Variants in C6orf118 observed in about 807,000 individuals in gnomAD.
C6orf118 encodes uncharacterized protein C6orf118.
Under a neutral mutation model 50.2 loss-of-function variants are expected in C6orf118, and 50 were observed. The ratio of observed to expected loss-of-function variants is 1.00; its 90% CI spans 0.79 to 1.26. C6orf118 has a LOEUF of 1.26. Among genes scored for constraint, C6orf118 ranks in the 50% most tolerant of loss-of-function variants. C6orf118 has a pLI of 0.00. For missense variants in C6orf118, 641 were observed against 578.7 expected, an observed-to-expected ratio of 1.11 and a Z score of -1.10; for synonymous variants, 239 against 230.9, an observed-to-expected ratio of 1.03 and a Z score of -0.32.
intron 7 of C6orf118, among the ~76,000 whole-genome samples, chr6:165,286,041 T>G (rs1282822204): frequency 6.7e-6 from 1 of 150,296 alleles, no homozygotes; most frequent in Non-Finnish European, 1.5e-5. Context: ...GCTAGATTAA[T>G]AAAGAAGAAA....
chr6:165,280,076 AT>A lies in C6orf118; in HGVS notation c.1390del (p.Ile464SerfsTer20). On this transcript the variant is annotated frameshift_variant, in exon 9 of 9. Coordinates refer to ENST00000230301, the MANE Select transcript of C6orf118 (RefSeq NM_144980.4). LOFTEE classifies it high-confidence loss of function. ...TGAGCGTTATCTTCTGTTTCCTCTG[AT>A]TTTACAAATTCCTTGATAAATTTCC... ...PLEIYQGICK[I>X]RGNRR 1 of 1,608,558 alleles carries A rather than the reference AT, an allele frequency of 6.2e-7. No homozygotes were observed. Among genetic ancestry groups the A allele is most frequent in the South Asian group, 1.1e-5 (1 of 89,412 alleles).
chr6:165,300,733 G>T (rs975799888), intron 2 of C6orf118, among the ~76,000 whole-genome samples: 1 of 151,806 alleles, frequency 6.6e-6, no homozygotes, highest in East Asian at 1.9e-4. Context: ...CTTGCTCCCC[G>T]TGCTCAAGCA....
intron 7 of C6orf118, among the ~76,000 whole-genome samples, chr6:165,285,135 T>G (rs1052261826): frequency 2.6e-5 from 4 of 151,772 alleles, no homozygotes; most frequent in African/African-American, 7.3e-5. Context: ...ACCAAGCAAA[T>G]GGAAATCATA....
In C6orf118 at chr6:165,301,841, C is replaced by T. The variant is rs2128163644; in HGVS notation, c.481G>A (p.Gly161Arg). The T allele has an allele frequency of 6.2e-7, 1 of 1,613,878 alleles. No individual in the cohort carries two copies. Among genetic ancestry groups the T allele is most frequent in the South Asian group, 1.1e-5 (1 of 91,076 alleles). ...AVREGKEEKK[G>R]GPPGRGPPGW... Reference sequence around the variant, plus strand: ...GGAGGGCCCCGTCCAGGAGGGCCTCCTTTCTTTTCTTCCTTCCCCTCTCTG... The same window carrying T: ...GGAGGGCCCCGTCCAGGAGGGCCTCTTTTCTTTTCTTCCTTCCCCTCTCTG... The change falls in exon 2 of 9, where the codon GGA (glycine) becomes AGA (arginine). Residue 161 changes from glycine to arginine, a missense_variant. By Grantham distance (125) the Gly-to-Arg change is moderately radical. Coordinates refer to ENST00000230301, the MANE Select transcript of C6orf118 (RefSeq NM_144980.4).
intron 7 of C6orf118, chr6:165,282,049 A>G (rs1322856060): frequency 6.2e-6 from 1 of 162,090 alleles, no homozygotes. Flanking sequence ...TCACATATAT[A>G]TCAGCAATAA....
intron 5 of C6orf118, 78 bp from the exon 6 acceptor site, chr6:165,293,549 A>G (rs1780182059): frequency 4.5e-6 from 5 of 1,104,218 alleles, no homozygotes; most frequent in Non-Finnish European, 6.7e-6. Flanking sequence ...TTACACCACA[A>G]GTCTCTTACA....
At chr6:165,294,062 C>T (rs1172137159) in intron 5 of C6orf118, among the ~76,000 whole-genome samples, 1 of 151,790 alleles carries the variant, frequency 6.6e-6, no homozygotes, top group Non-Finnish European at 1.5e-5. Flanking sequence ...CTGGCTAACA[C>T]GGTGAAACCC....
At chr6:165,286,547 G>A (rs879426942) in intron 7 of C6orf118, among the ~76,000 whole-genome samples, 12 of 152,024 alleles carry the variant, frequency 7.9e-5, no homozygotes, top group Admixed American at 3.3e-4. Flanking sequence ...CTGGCAAACC[G>A]AATACAGCAG....
chr6:165,293,378 G>C (rs761567865), intron 6 of C6orf118, 35 bp downstream of exon 6: 1 of 1,600,416 alleles, frequency 6.2e-7, no homozygotes, highest in African/African-American at 1.3e-5. Context: ...TCACAGCAAA[G>C]CACCCATAAG....
At chr6:165,291,112 C>T (rs1376972977) in intron 6 of C6orf118, among the ~76,000 whole-genome samples, 3 of 152,142 alleles carry the variant, frequency 2.0e-5, no homozygotes, top group Non-Finnish European at 2.9e-5. Context: ...CCTCCCACAA[C>T]ACATAGGAAT....
At chr6:165,288,805 C>T (rs567694760) in intron 7 of C6orf118, among the ~76,000 whole-genome samples, 2 of 151,982 alleles carry the variant, frequency 1.3e-5, no homozygotes, top group South Asian at 4.2e-4. Context: ...GGAGGTAAAA[C>T]ATCAGGAAAA....
At position 165,293,448 on chromosome 6, in the gene C6orf118, TC is replaced by T. The variant is rs1203697531; in HGVS notation, c.1084del (p.Glu362ArgfsTer19). On this transcript the variant is annotated frameshift_variant, in exon 6 of 9. Coordinates refer to ENST00000230301, the MANE Select transcript of C6orf118 (RefSeq NM_144980.4). LOFTEE classifies it high-confidence loss of function. ...NDRLRSELEM[E>X]VALLQSAKER... ...CTTTGCAGACTGCAGCAATGCCACC[TC>T]CATCTCCAGTTCACTTCTGAGTCTA... 6.2e-7 allele frequency: 1 copy of T among 1,613,490 alleles called. No individual in the cohort carries two copies. The highest frequency in any genetic ancestry group is 1.1e-5 in the South Asian group (1 of 91,014).
chr6:165,280,760 C>T (rs1252833795), intron 8 of C6orf118, among the ~76,000 whole-genome samples: 1 of 152,130 alleles, frequency 6.6e-6, no homozygotes, highest in African/African-American at 2.4e-5. Flanking sequence ...GAATGCGGAC[C>T]CAGTTAATGC....
chr6:165,281,021 C>T (rs752718488), intron 8 of C6orf118, among the ~76,000 whole-genome samples: 48 of 152,126 alleles, frequency 3.2e-4, no homozygotes, highest in African/African-American at 8.4e-4. Flanking sequence ...AGTAACTGTG[C>T]GAAGTATAAG....
intron 7 of C6orf118, among the ~76,000 whole-genome samples, chr6:165,289,162 A>G (rs1469068833): frequency 6.7e-6 from 1 of 150,354 alleles, no homozygotes; most frequent in African/African-American, 2.4e-5. Flanking sequence ...GCACACAGCC[A>G]TGTCCCCCCT....
At chr6:165,286,762 GA>G (rs1779916993) in intron 7 of C6orf118, among the ~76,000 whole-genome samples, 1 of 152,100 alleles carries the variant, frequency 6.6e-6, no homozygotes, top group Admixed American at 6.5e-5. Flanking sequence ...ACTAGGTATT[GA>G]TGAACACATC....
rs200166060 is a variant in C6orf118 at position 165,302,113 on chromosome 6, T to C, written c.209A>G (p.Tyr70Cys). 463 of 1,613,800 alleles carry C rather than the reference T, an allele frequency of 2.9e-4. No homozygotes were observed. Among genetic ancestry groups the C allele is most frequent in the Admixed American group, 8.0e-4 (48 of 59,980 alleles). Residue 70 changes from tyrosine (Y) to cysteine (C), a missense_variant, in exon 2 of 9, where the codon TAC (tyrosine) becomes TGC (cysteine). Physicochemically the swap from Tyr to Cys is radical, Grantham distance 194. Transcript: ENST00000230301. The stretch of plus-strand genomic sequence containing the variant: ...CTGTAAGATCGTCTCCGGAGGCTGG[T>C]AGAGCTTGTTGGGGTTCAGGTGTCC... ...ISGHLNPNKL[Y>C]QPPETILQHW...
Position 165,279,868 on chromosome 6 carries a change from C to A in C6orf118, c.*189G>T. 1 of 480,720 alleles carries A rather than the reference C, an allele frequency of 2.1e-6. No individual in the cohort carries two copies. Among genetic ancestry groups the A allele is most frequent in the Non-Finnish European group, 3.6e-6 (1 of 280,740 alleles). The allele number at this position is 480,720 out of a possible 1,614,324, so 29.8% of individuals were successfully genotyped here. On this transcript the variant is annotated 3_prime_UTR_variant, in exon 9 of 9. Transcript: ENST00000230301. The stretch of plus-strand genomic sequence containing the variant: ...GTTGTAAATATGTATGCAACAGAAA[C>A]TAATCATGTGTACGCATGTGTGTAT...
intron 6 of C6orf118, among the ~76,000 whole-genome samples, chr6:165,291,614 G>A (rs1373307862): frequency 6.6e-6 from 1 of 152,118 alleles, no homozygotes; most frequent in African/African-American, 2.4e-5. Context: ...CGTCTAATAG[G>A]CACTTGGATA....
Sources: allele counts gnomAD v4.1 joint callset (sites outside exome capture counted in the v4.1 genomes callset), GRCh38; gene constraint gnomAD v4.1.1; transcripts MANE v1.5; gene names NCBI Gene and HGNC (gene_info 2026-07-23, HGNC 2026-07-21).